The following TRMT44 variants were observed in gnomAD, a reference collection of about 807,000 sequenced individuals.
TRMT44 encodes probable tRNA (uracil-O(2)-)-methyltransferase.
TRMT44 carries 78 observed loss-of-function variants against 77.3 expected under a neutral mutation model. The observed-to-expected ratio is 1.01, with a 90% confidence interval of 0.84 to 1.22. TRMT44 has a LOEUF of 1.22. Ranked by LOEUF, TRMT44 falls within the 50% of genes most tolerant of loss-of-function variation. The probability of loss-of-function intolerance (pLI) is 0.00; values close to 1 mark genes in which losing one functional copy is unlikely to be tolerated. For missense variants in TRMT44, 1,090 were observed against 964.4 expected (o/e 1.13, Z -1.73); for synonymous variants, 391 against 383.3 (o/e 1.02, Z -0.23).
At chr4:8,515,881 T>A in the TRMT44 span, among the ~76,000 whole-genome samples, 4 of 152,202 alleles carry the variant, frequency 2.6e-5, no homozygotes, top group Admixed American at 2.6e-4. Context: ...TACTTCTTCA[T>A]GTCTGTTATA....
the TRMT44 span, chr4:8,507,206 C>G: frequency 6.6e-6 from 1 of 152,456 alleles, no homozygotes; most frequent in African/African-American, 2.4e-5. Flanking sequence ...TTCCCTCCAC[C>G]TCAGCCCTGG....
At chr4:8,468,377 A>G in intron 9 of TRMT44, 31 bp downstream of exon 9, 1 of 1,601,602 alleles carries the variant, frequency 6.2e-7, no homozygotes, top group Non-Finnish European at 8.6e-7. Flanking sequence ...GGGAGGGGCT[A>G]GCACGCTCCC....
chr4:8,451,039 A>C lies in TRMT44; in HGVS notation c.955-921A>C, dbSNP rs1185187554. ...TGCTTTGGCCTCCTAAAGTGCTTGG[A>C]TTACAGGCTTGAGCCACTGCCCGGC... On this transcript the variant is annotated intron_variant, in intron 3 of 10. Transcript: ENST00000389737. The surrounding 1 kb of genome is among the most constrained non-coding windows in gnomAD (Gnocchi z 4.1). 6.6e-6 allele frequency among the ~76,000 whole-genome samples: 1 copy of C among 152,040 alleles called. No individual in the cohort carries two copies. Among genetic ancestry groups the C allele is most frequent in the African/African-American group, 2.4e-5 (1 of 41,380 alleles).
chr4:8,489,096 C>G (rs1423476758), intron 2 of TRMT44, among the ~76,000 whole-genome samples: 1 of 152,250 alleles, frequency 6.6e-6, no homozygotes, highest in Non-Finnish European at 1.5e-5. Flanking sequence ...TCCGGCAACT[C>G]AGGAGGGCCT....
At chr4:8,498,207 G>C (rs1728204946), downstream of TRMT44, among the ~76,000 whole-genome samples, 1 of 152,190 alleles carries the variant, frequency 6.6e-6, no homozygotes, top group South Asian at 2.1e-4. This position sits in a 1 kb window ranked among gnomAD's most constrained non-coding sequence, Gnocchi z 4.3. Flanking sequence ...AGGGTATGAA[G>C]ATGATGACAT....
rs1408196079 is a variant in TRMT44 at position 8,452,249 on chromosome 4, T to G, written c.1023+221T>G. ...CTTGACCTCGGGTTCCAACTTGACC[T>G]GCAGGCGGAACTGTACGTCCACACT... On this transcript the variant is annotated intron_variant, in intron 4 of 10. Transcript: ENST00000389737. The surrounding 1 kb of genome is among the most constrained non-coding windows in gnomAD (Gnocchi z 5.7). Among the ~76,000 whole-genome samples, 1 of 152,212 alleles carries G rather than the reference T, an allele frequency of 6.6e-6. No homozygotes were observed. The highest frequency in any genetic ancestry group is 2.4e-5 in the African/African-American group (1 of 41,462).
downstream of TRMT44, among the ~76,000 whole-genome samples, chr4:8,480,645 C>A (rs1375745729): frequency 2.0e-5 from 3 of 152,170 alleles, no homozygotes; most frequent in Non-Finnish European, 4.4e-5. Flanking sequence ...AATTGCCTCT[C>A]CCTGGCGCCT....
chr4:8,479,995 C>T (rs1727563245), downstream of TRMT44, among the ~76,000 whole-genome samples: 1 of 152,100 alleles, frequency 6.6e-6, no homozygotes, highest in African/African-American at 2.4e-5. Context: ...GATCTCCTGC[C>T]TCAGCCCCCC....
At chr4:8,480,572 C>T (rs1321969037), downstream of TRMT44, among the ~76,000 whole-genome samples, 1 of 152,220 alleles carries the variant, frequency 6.6e-6, no homozygotes, top group African/African-American at 2.4e-5. Context: ...CCCACTTACC[C>T]AATTCCTGAG....
At chr4:8,466,987 T>C (rs1339423332) in intron 8 of TRMT44, among the ~76,000 whole-genome samples, 2 of 152,116 alleles carry the variant, frequency 1.3e-5, no homozygotes, top group Non-Finnish European at 1.5e-5. Flanking sequence ...CGCCTGGCCT[T>C]GTAGTTGATG....
chr4:8,495,991 C>G (rs1728138946), downstream of TRMT44, among the ~76,000 whole-genome samples: 2 of 152,222 alleles, frequency 1.3e-5, no homozygotes, highest in Admixed American at 6.5e-5. Flanking sequence ...GGGCCACAGG[C>G]CGCTACTTCA....
At chr4:8,501,290 G>C in the TRMT44 span, among the ~76,000 whole-genome samples, 8 of 152,190 alleles carry the variant, frequency 5.3e-5, no homozygotes, top group Admixed American at 2.6e-4. The surrounding 1 kb of genome is among the most constrained non-coding windows in gnomAD (Gnocchi z 4.4). Flanking sequence ...TGTGGGGCAG[G>C]AGAGACCCCA....
At position 8,461,213 on chromosome 4, in the gene TRMT44, G is replaced by T. The variant is rs1299289714; in HGVS notation, c.1204-2772G>T. ...GTTTTACAGTGATTGGCAGTTGCTT[G>T]TCCACTCATACATTACATTAGGAAA... is the stretch of plus-strand genomic sequence containing the variant. On this transcript the variant is annotated intron_variant, in intron 6 of 10. Coordinates refer to ENST00000389737, the MANE Select transcript of TRMT44 (RefSeq NM_152544.3). This position sits in a 1 kb window ranked among gnomAD's most constrained non-coding sequence, Gnocchi z 4.6. 6.6e-6 allele frequency among the ~76,000 whole-genome samples: 1 copy of T among 152,086 alleles called. No homozygotes were observed. The highest frequency in any genetic ancestry group is 1.5e-5 in the Non-Finnish European group (1 of 68,032).
At chr4:8,477,519 A>T (rs1430712339), downstream of TRMT44, 1 of 152,358 alleles carries the variant, frequency 6.6e-6, no homozygotes, top group Non-Finnish European at 1.5e-5. Context: ...CACGCTGGGA[A>T]GTTCTCCCTG....
chr4:8,474,794 ACGGCCAAATGGGAGCGTAGGGGGGTATCT>A (rs1315733580), intron 10 of TRMT44, among the ~76,000 whole-genome samples: 8 of 152,040 alleles, frequency 5.3e-5, no homozygotes, highest in Non-Finnish European at 1.2e-4. Flanking sequence ...CCACAAGGAA[ACGGCCAAATGGGAGCGTAGGGGGGTATCT>A]CGGCCCAATT....
chr4:8,482,849 CCTT>C (rs1424810434), intron 2 of TRMT44, among the ~76,000 whole-genome samples: 3 of 138,058 alleles, frequency 2.2e-5, no homozygotes, highest in Admixed American at 8.2e-5. Context: ...GACATTCCTG[CCTT>C]CTTATAATAA....
intron 2 of TRMT44, among the ~76,000 whole-genome samples, chr4:8,448,560 C>T (rs1198290975): frequency 2.0e-5 from 3 of 152,226 alleles, no homozygotes; most frequent in African/African-American, 7.2e-5. Context: ...AGGAACGCCC[C>T]TTGGGCAGAA....
the TRMT44 span, among the ~76,000 whole-genome samples, chr4:8,505,812 A>G: frequency 6.6e-6 from 1 of 152,280 alleles, no homozygotes; most frequent in African/African-American, 2.4e-5. Flanking sequence ...GGTTTCCCCC[A>G]TGCTGTTCTG....
At chr4:8,503,581 TACCTC>T in the TRMT44 span, among the ~76,000 whole-genome samples, 1 of 152,166 alleles carries the variant, frequency 6.6e-6, no homozygotes, top group Non-Finnish European at 1.5e-5. Context: ...CTGGGCCACA[TACCTC>T]AGAGAACACA....
Sources: gnomAD v4.1 joint callset for allele counts (sites outside exome capture counted in the v4.1 genomes callset) on GRCh38, gnomAD v4.1.1 for gene constraint, Gnocchi (gnomAD v3.1) non-coding constraint, MANE v1.5 for transcripts, NCBI Gene and HGNC (gene_info 2026-07-23, HGNC 2026-07-21) for gene names.